CXCL12: variants seen among roughly 807,000 people sequenced by gnomAD.
CXCL12 encodes stromal cell-derived factor 1.
A neutral mutation model predicts 10.7 loss-of-function variants in CXCL12; 4 were observed. The ratio of observed to expected loss-of-function variants is 0.37; its 90% CI spans 0.18 to 0.86. The LOEUF (loss-of-function observed/expected upper bound fraction) is 0.86. CXCL12 is among the 40% of genes least tolerant of loss of function. CXCL12 has a pLI of 0.43. For missense variants in CXCL12, 122 were observed against 110.4 expected, an observed-to-expected ratio of 1.10 and a Z score of -0.47; for synonymous variants, 54 against 45.4, an observed-to-expected ratio of 1.19 and a Z score of -0.77.
chr10:44,381,010 C>A, intron 1 of CXCL12, 130 bp from the exon 2 acceptor site: 2 of 786,046 alleles, frequency 2.5e-6, no homozygotes, highest in South Asian at 1.5e-5. Flanking sequence ...TTCCAGGTTA[C>A]TGGTGTATGT....
At chr10:44,382,273 C>A (rs536788117) in intron 1 of CXCL12, among the ~76,000 whole-genome samples, 17 of 152,226 alleles carry the variant, frequency 1.1e-4, no homozygotes, top group Non-Finnish European at 1.8e-4. Flanking sequence ...AGCAGCTGCA[C>A]TGGGACCCTG....
intron 1 of CXCL12, among the ~76,000 whole-genome samples, 168 bp downstream of exon 1, chr10:44,384,777 G>T (rs778989158): frequency 3.9e-5 from 6 of 152,218 alleles, no homozygotes; most frequent in African/African-American, 7.2e-5. Context: ...GCAAAAGTAG[G>T]GCTTTGAACG....
chr10:44,373,595 G>A (rs577512275), downstream of CXCL12, among the ~76,000 whole-genome samples: 9 of 152,354 alleles, frequency 5.9e-5, 1 homozygote, highest in Admixed American at 1.3e-4. Context: ...AGCACTGGGC[G>A]TGGCAGACGC....
chr10:44,382,011 T>C (rs1210352022), intron 1 of CXCL12, among the ~76,000 whole-genome samples: 1 of 152,196 alleles, frequency 6.6e-6, no homozygotes, highest in Non-Finnish European at 1.5e-5. Context: ...TTTTATTTTT[T>C]CTACAGACTG....
chr10:44,372,835 G>T, downstream of CXCL12: 5 of 1,506,724 alleles, frequency 3.3e-6, no homozygotes, highest in Non-Finnish European at 4.4e-6. Context: ...GGAGAAGGGG[G>T]TGAGCCTCCC....
chr10:44,380,888 A>C lies in CXCL12; in HGVS notation c.62-8T>G. On this transcript the variant is annotated splice_region_variant and splice_polypyrimidine_tract_variant and intron_variant, in intron 1 of 2. Transcript: ENST00000343575. Reference sequence around the variant, plus strand: ...TCAGGCTGACGGGCTTCCCTAGAAGAGGTAAGGACAACAAGGCACTTTACT... The same window carrying C: ...TCAGGCTGACGGGCTTCCCTAGAAGCGGTAAGGACAACAAGGCACTTTACT... 1 of 1,613,252 alleles carries C rather than the reference A, an allele frequency of 6.2e-7. No homozygotes were observed. The highest frequency in any genetic ancestry group is 8.5e-7 in the Non-Finnish European group (1 of 1,179,234).
downstream of CXCL12, chr10:44,375,898 G>C (rs17881575): frequency 6.2e-7 from 1 of 1,608,022 alleles, no homozygotes. Context: ...ACAAAGCGCC[G>C]AGAGCAAGTG....
Position 44,385,045 on chromosome 10 carries a change from C to G in CXCL12, c.-40G>C. The stretch of plus-strand genomic sequence containing the variant: ...GGCGGGCGGGCGGACGAGCGCGGGT[C>G]GGGGGCCGGACGCCGAGCGGGCAAT... On this transcript the variant is annotated 5_prime_UTR_variant, in exon 1 of 3. Transcript: ENST00000343575. The G allele has an allele frequency of 7.1e-7, 1 of 1,406,510 alleles. No homozygotes were observed. 87.1% of individuals were successfully genotyped at this position (1,406,510 alleles called of 1,614,324 possible).
downstream of CXCL12, chr10:44,372,193 T>G (rs1214730701): frequency 1.3e-5 from 2 of 152,282 alleles, no homozygotes; most frequent in Non-Finnish European, 2.9e-5. Context: ...AATGCTTGTT[T>G]TCCTCAAGCA....
chr10:44,382,043 G>A (rs1463707025), intron 1 of CXCL12, among the ~76,000 whole-genome samples: 1 of 152,040 alleles, frequency 6.6e-6, no homozygotes, highest in African/African-American at 2.4e-5. Flanking sequence ...GGGATGATGT[G>A]GACTAGGAAT....
At chr10:44,373,125 TG>T, downstream of CXCL12, 1 of 1,533,716 alleles carries the variant, frequency 6.5e-7, no homozygotes, top group South Asian at 1.2e-5. Flanking sequence ...CCAGTGACAC[TG>T]AATAATCAAA....
At chr10:44,379,432 T>C (rs1191456501) in intron 2 of CXCL12, among the ~76,000 whole-genome samples, 1 of 152,196 alleles carries the variant, frequency 6.6e-6, no homozygotes, top group East Asian at 1.9e-4. Flanking sequence ...CCTGATTTCA[T>C]CTCTCTGAAT....
chr10:44,382,768 C>G (rs1839670663), intron 1 of CXCL12, among the ~76,000 whole-genome samples: 1 of 152,198 alleles, frequency 6.6e-6, no homozygotes, highest in South Asian at 2.1e-4. Context: ...GCCCGCCTGT[C>G]AAGCAGCGAA....
chr10:44,377,711 T>C lies in CXCL12; in HGVS notation c.*922A>G. On this transcript the variant is annotated 3_prime_UTR_variant, in exon 3 of 3. Transcript: ENST00000343575. ...TCAGATTTAAAATTGCATTTGATTC[T>C]GTAAAGACTTGTCTTTTGCGGGTAA... The C allele has an allele frequency of 1.9e-6, 3 of 1,597,918 alleles. No individual in the cohort carries two copies. The highest frequency in any genetic ancestry group is 2.5e-6 in the Non-Finnish European group (3 of 1,179,666).
Position 44,378,500 on chromosome 10 carries a change from T to C in CXCL12, c.*133A>G, listed in dbSNP as rs954200482. 7.1e-6 allele frequency: 11 copies of C among 1,546,190 alleles called. No homozygotes were observed. The highest frequency in any genetic ancestry group is 9.6e-6 in the Non-Finnish European group (11 of 1,145,526). ...AACCTCAGGCCCGATCCCAGATCAA[T>C]GTGCCCACCCCACACACACACCTGG... On this transcript the variant is annotated 3_prime_UTR_variant, in exon 3 of 3. Coordinates refer to ENST00000343575, the MANE Select transcript of CXCL12 (RefSeq NM_199168.4).
chr10:44,371,641 T>A (rs961802066), downstream of CXCL12: 1 of 162,470 alleles, frequency 6.2e-6, no homozygotes, highest in African/African-American at 2.4e-5. Flanking sequence ...ACTTAACACA[T>A]GTTACTAATT....
chr10:44,378,792 G>T, intron 2 of CXCL12, 69 bp from the exon 3 acceptor site: 1 of 1,513,946 alleles, frequency 6.6e-7, no homozygotes, highest in Non-Finnish European at 9.2e-7. Flanking sequence ...GTGTGCATCC[G>T]CTCCCCCAAC....
chr10:44,384,959 A>G lies in CXCL12; in HGVS notation c.47T>C (p.Leu16Pro), dbSNP rs1839755807. 6 of 1,355,674 alleles carry G rather than the reference A, an allele frequency of 4.4e-6. No individual in the cohort carries two copies. Among genetic ancestry groups the G allele is most frequent in the Admixed American group, 2.1e-5 (1 of 47,994 alleles). 84.0% of individuals were successfully genotyped at this position (1,355,674 alleles called of 1,614,324 possible). A position where few individuals can be genotyped will look rare whatever the true frequency, so the allele number is the denominator to read the frequency against. Reference protein sequence around the residue: ...VVVLVLVLTALCLSDGKPVSL... With the variant: ...VVVLVLVLTAPCLSDGKPVSL... ...AGCGCACTTACCGTCGCTGAGGCAG[A>G]GCGCGGTCAGCACGAGGACCAGCAC... The change falls in exon 1 of 3, where the codon CTC (leucine) becomes CCC (proline). Residue 16 changes from leucine to proline, a missense_variant. Leu to Pro is a moderately conservative substitution (Grantham distance 98). Transcript: ENST00000343575.
At chr10:44,374,172 T>C, downstream of CXCL12, 1 of 328,344 alleles carries the variant, frequency 3.0e-6, no homozygotes, top group South Asian at 2.5e-5. Context: ...TCCCCAGGAG[T>C]GGGATAGCAA....
Sources: gnomAD v4.1 joint callset for allele counts (sites outside exome capture counted in the v4.1 genomes callset) on GRCh38, gnomAD v4.1.1 for gene constraint, MANE v1.5 for transcripts, NCBI Gene and HGNC (gene_info 2026-07-23, HGNC 2026-07-21) for gene names.